ALKBH8: variants seen among roughly 807,000 people sequenced by gnomAD.
ALKBH8 encodes alkB homolog 8, tRNA methyltransferase, also known as tRNA (carboxymethyluridine(34)-5-O)-methyltransferase ALKBH8.
A neutral mutation model predicts 59.8 loss-of-function variants in ALKBH8; 36 were observed. The ratio of observed to expected loss-of-function variants is 0.60; its 90% CI spans 0.46 to 0.79. The LOEUF (loss-of-function observed/expected upper bound fraction) is 0.79. Among genes scored for constraint, ALKBH8 ranks in the 30% least tolerant of loss-of-function variants. The pLI, the probability that ALKBH8 is intolerant of heterozygous loss-of-function variation, is 0.00. For missense variants in ALKBH8, 768 were observed against 801.0 expected, an observed-to-expected ratio of 0.96 and a Z score of 0.50; for synonymous variants, 276 against 273.6, an observed-to-expected ratio of 1.01 and a Z score of -0.09.
chr11:107,506,389 C>A (rs1862385127), intron 11 of ALKBH8, among the ~76,000 whole-genome samples: 1 of 150,924 alleles, frequency 6.6e-6, no homozygotes. Context: ...AAAATGAGGA[C>A]CAAAGGACTG....
At chr11:107,545,190 C>T (rs910353449) in intron 7 of ALKBH8, among the ~76,000 whole-genome samples, 2 of 152,100 alleles carry the variant, frequency 1.3e-5, no homozygotes, top group Non-Finnish European at 2.9e-5. Context: ...AGTATGTCTG[C>T]GGTCCAGACT....
intron 11 of ALKBH8, 48 bp downstream of exon 11, chr11:107,510,839 C>T (rs1862590410): frequency 1.3e-6 from 2 of 1,534,828 alleles, no homozygotes; most frequent in Non-Finnish European, 1.8e-6. Flanking sequence ...TGAACTCTTC[C>T]TGCTGCTTTA....
At chr11:107,516,208 C>A (rs754772380) in intron 10 of ALKBH8, among the ~76,000 whole-genome samples, 1 of 152,158 alleles carries the variant, frequency 6.6e-6, no homozygotes, top group Non-Finnish European at 1.5e-5. Context: ...AAATTTAAAG[C>A]CTGGTATTTC....
chr11:107,542,105 T>G (rs1369529015), intron 7 of ALKBH8, among the ~76,000 whole-genome samples: 1 of 151,332 alleles, frequency 6.6e-6, no homozygotes, highest in African/African-American at 2.4e-5. Flanking sequence ...ATAAAAAATG[T>G]AGAAAAAAGG....
At position 107,549,767 on chromosome 11, in the gene ALKBH8, TGA is replaced by T; in HGVS notation, c.755_756del (p.Leu252GlnfsTer11). 6.5e-7 allele frequency: 1 copy of T among 1,549,436 alleles called. No individual in the cohort carries two copies. The highest frequency in any genetic ancestry group is 8.7e-7 in the Non-Finnish European group (1 of 1,145,058). On this transcript the variant is annotated frameshift_variant, in exon 7 of 12. Coordinates refer to ENST00000428149, the MANE Select transcript of ALKBH8 (RefSeq NM_138775.3). LOFTEE classifies it high-confidence loss of function. ...HSAFEDEIVS[L>X]SLGSEIVMDF... ...TGACCATTTACCTCTGACCCCAAACTGAGAGAAACGATCTCATCCTCAAAAGC... is the reference window on the plus strand; with the variant it reads ...TGACCATTTACCTCTGACCCCAAACTGAGAAACGATCTCATCCTCAAAAGC...
chr11:107,514,911 A>G (rs933239135), intron 10 of ALKBH8, among the ~76,000 whole-genome samples: 1 of 152,142 alleles, frequency 6.6e-6, no homozygotes, highest in Non-Finnish European at 1.5e-5. Flanking sequence ...CAGAACATGG[A>G]GAACAACAGC....
At chr11:107,564,911 C>T (rs1699105092) in intron 1 of ALKBH8, among the ~76,000 whole-genome samples, 1 of 152,182 alleles carries the variant, frequency 6.6e-6, no homozygotes, top group Admixed American at 6.5e-5. Context: ...AAACCTAAAT[C>T]GACTTTGCTG....
intron 2 of ALKBH8, among the ~76,000 whole-genome samples, chr11:107,559,860 A>G (rs941741003): frequency 6.6e-6 from 1 of 152,156 alleles, no homozygotes; most frequent in Non-Finnish European, 1.5e-5. Flanking sequence ...TATTGGTCTG[A>G]GAGTTGAGAG....
At chr11:107,522,258 G>A in intron 10 of ALKBH8, 41 bp downstream of exon 10, 1 of 1,544,900 alleles carries the variant, frequency 6.5e-7, no homozygotes, top group Non-Finnish European at 8.7e-7. Context: ...GATAACCACT[G>A]CAAATTAAGC....
intron 9 of ALKBH8, among the ~76,000 whole-genome samples, chr11:107,523,482 C>A (rs1414267164): frequency 6.6e-6 from 1 of 151,526 alleles, no homozygotes. Context: ...CGGGGAGATG[C>A]TAATGAAAGG....
intron 8 of ALKBH8, among the ~76,000 whole-genome samples, chr11:107,527,642 T>C (rs1431707822): frequency 6.6e-6 from 1 of 152,020 alleles, no homozygotes; most frequent in Non-Finnish European, 1.5e-5. Flanking sequence ...TTTTATTTCA[T>C]CTTCTAAAAA....
intron 10 of ALKBH8, among the ~76,000 whole-genome samples, chr11:107,519,458 T>C (rs1269534070): frequency 1.3e-5 from 2 of 152,174 alleles, no homozygotes; most frequent in Non-Finnish European, 2.9e-5. Context: ...TAAGAAAATA[T>C]GCAACTGTAG....
chr11:107,552,608 G>T (rs1451857333), intron 5 of ALKBH8, among the ~76,000 whole-genome samples: 2 of 152,180 alleles, frequency 1.3e-5, no homozygotes, highest in African/African-American at 4.8e-5. Flanking sequence ...GGGGAATGGG[G>T]AAGTAGGTAC....
chr11:107,518,106 A>C (rs1179850978), intron 10 of ALKBH8, among the ~76,000 whole-genome samples: 3 of 152,178 alleles, frequency 2.0e-5, no homozygotes, highest in Non-Finnish European at 4.4e-5. Flanking sequence ...GTATTATAAA[A>C]TTCAGAAACA....
intron 7 of ALKBH8, among the ~76,000 whole-genome samples, chr11:107,542,662 A>T (rs1864089607): frequency 6.6e-6 from 1 of 152,180 alleles, no homozygotes; most frequent in Non-Finnish European, 1.5e-5. Flanking sequence ...TAATCCCAGC[A>T]CCTTGGGATG....
At chr11:107,546,192 T>G (rs1035587339) in intron 7 of ALKBH8, among the ~76,000 whole-genome samples, 1 of 152,218 alleles carries the variant, frequency 6.6e-6, no homozygotes, top group Non-Finnish European at 1.5e-5. Context: ...TCTTCCTTAT[T>G]TATAATAGAA....
Position 107,525,510 on chromosome 11 carries a change from T to C in ALKBH8, c.961A>G (p.Thr321Ala). ...GTTCGTAGTCCCCTCTTGCTTAAAG[T>C]TAAGTCTCCAACATCACTGGTGATA... ...GIITSDVGDL[T>A]LSKRGLRTSF... The change falls in exon 9 of 12, where the codon ACT becomes GCT. Residue 321 changes from threonine to alanine, a missense_variant. Physicochemically the swap from Thr to Ala is moderately conservative, Grantham distance 58 (BLOSUM62 0). Coordinates refer to ENST00000428149, the MANE Select transcript of ALKBH8 (RefSeq NM_138775.3). The C allele has an allele frequency of 2.6e-6, 4 of 1,542,426 alleles. No individual in the cohort carries two copies. Among genetic ancestry groups the C allele is most frequent in the Non-Finnish European group, 3.5e-6 (4 of 1,143,056 alleles).
At chr11:107,555,661 T>C (rs552237854) in intron 3 of ALKBH8, among the ~76,000 whole-genome samples, 1 of 152,326 alleles carries the variant, frequency 6.6e-6, no homozygotes, top group East Asian at 1.9e-4. Flanking sequence ...TCGAGTCTTA[T>C]TTTACAAAAA....
At chr11:107,530,111 T>C (rs1348263715) in intron 8 of ALKBH8, among the ~76,000 whole-genome samples, 1 of 152,218 alleles carries the variant, frequency 6.6e-6, no homozygotes, top group Non-Finnish European at 1.5e-5. Flanking sequence ...AATTTTTATA[T>C]GTAGAAAACT....
Sources: allele counts gnomAD v4.1 joint callset (sites outside exome capture counted in the v4.1 genomes callset), GRCh38; gene constraint gnomAD v4.1.1; transcripts MANE v1.5; gene names NCBI Gene and HGNC (gene_info 2026-07-23, HGNC 2026-07-21).